The following KLHL6 variants were observed in gnomAD, a reference collection of about 807,000 sequenced individuals.
The protein encoded by KLHL6 is kelch like family member 6, also known as kelch-like protein 6.
KLHL6 carries 41 observed loss-of-function variants against 58.6 expected under a neutral mutation model. The ratio of observed to expected loss-of-function variants is 0.70; its 90% CI spans 0.55 to 0.91. The LOEUF (loss-of-function observed/expected upper bound fraction) is 0.91, where lower values mean the gene tolerates loss of function less well. KLHL6 is among the 40% of genes least tolerant of loss of function. The pLI is 0.00. For synonymous variants in KLHL6, 338 were observed against 322.7 expected (o/e 1.05, Z -0.51); for missense variants, 714 against 805.6 (o/e 0.89, Z 1.38).
In KLHL6 at chr3:183,491,636, C is replaced by CCGAT. The variant is rs1717556274; in HGVS notation, c.*287_*290dup. On this transcript the variant is annotated 3_prime_UTR_variant, in exon 7 of 7. Transcript: ENST00000341319. The stretch of plus-strand genomic sequence containing the variant: ...AGAGCCAGTCACCAGGTTAAATGAA[C>CCGAT]CGATAAAAGGAAGTGCCTGGCACAG... The CCGAT allele has an allele frequency of 9.6e-6, 3 of 311,456 alleles. No homozygotes were observed. The Admixed American group carries it at 1.5e-4, about 16-fold the overall frequency. 19.3% of individuals were successfully genotyped at this position (311,456 alleles called of 1,614,324 possible). A position where few individuals can be genotyped will look rare whatever the true frequency, so the allele number is the denominator to read the frequency against.
At chr3:183,498,191 G>A (rs1435435361) in intron 4 of KLHL6, among the ~76,000 whole-genome samples, 4 of 152,060 alleles carry the variant, frequency 2.6e-5, no homozygotes, top group East Asian at 1.9e-4. Flanking sequence ...CCGAGATCAC[G>A]CCACTGCACT....
Position 183,499,779 on chromosome 3 carries a change from C to G in KLHL6, c.958G>C (p.Val320Leu). ...KPRMHEFQSE[V>L]FMIIGGCTKD... The stretch of plus-strand genomic sequence containing the variant: ...GTGCAGCCGCCAATGATCATGAACA[C>G]CTCAGACTGGAACTCATGCATCCTG... The change falls in exon 4 of 7, where the codon GTG becomes CTG. Residue 320 changes from valine (V) to leucine (L), a missense_variant. Transcript: ENST00000341319. The surrounding 1 kb of genome is among the most constrained non-coding windows in gnomAD (Gnocchi z 4.6). The G allele has an allele frequency of 1.9e-6, 3 of 1,606,678 alleles. No homozygotes were observed. Among genetic ancestry groups the G allele is most frequent in the Non-Finnish European group, 1.7e-6 (2 of 1,176,726 alleles).
intron 1 of KLHL6, among the ~76,000 whole-genome samples, chr3:183,542,855 C>CATGGATGGATGG (rs10581731): frequency 1.4e-5 from 2 of 143,066 alleles, no homozygotes; most frequent in Admixed American, 1.4e-4. Context: ...TGGATGGATA[C>CATGGATGGATGG]ATGGATGGAT....
chr3:183,522,387 T>C (rs1711797690), intron 2 of KLHL6: 1 of 152,202 alleles, frequency 6.6e-6, no homozygotes, highest in African/African-American at 2.4e-5. Context: ...GTGGACCCAG[T>C]AGACTAACCC....
At chr3:183,539,862 C>T (rs1209401996) in intron 1 of KLHL6, among the ~76,000 whole-genome samples, 1 of 152,222 alleles carries the variant, frequency 6.6e-6, no homozygotes, top group Non-Finnish European at 1.5e-5. Flanking sequence ...CAGACCATTG[C>T]TGATGCCTCA....
In KLHL6 at chr3:183,490,949, G is replaced by A. The variant is rs7644322; in HGVS notation, c.*978C>T. On this transcript the variant is annotated 3_prime_UTR_variant, in exon 7 of 7. Coordinates refer to ENST00000341319, the MANE Select transcript of KLHL6 (RefSeq NM_130446.4). ...TGGCAAGGAGCCCAAATGACTCCTT[G>A]GTTTAAATATTGGTAAAGGGCGGGG... is the stretch of plus-strand genomic sequence containing the variant. The A allele has an allele frequency of 0.54, 81,920 of 151,970 alleles. 22,936 individuals are homozygous for A. The highest frequency in any genetic ancestry group is 0.79 in the East Asian group (4,058 of 5,160). The allele number at this position is 151,970 out of a possible 1,614,324, so 9.4% of individuals were successfully genotyped here.
chr3:183,518,001 A>C (rs1020292585), intron 2 of KLHL6, among the ~76,000 whole-genome samples: 5 of 152,128 alleles, frequency 3.3e-5, no homozygotes, highest in Admixed American at 2.0e-4. Flanking sequence ...AGGCTGAAAC[A>C]AGTCCACTTC....
chr3:183,500,435 T>C (rs559783812), intron 3 of KLHL6, among the ~76,000 whole-genome samples: 3 of 152,310 alleles, frequency 2.0e-5, no homozygotes, highest in African/African-American at 7.2e-5. Flanking sequence ...ATCCATACTA[T>C]GGGTATTTGA....
At chr3:183,529,553 G>A (rs565119447) in intron 1 of KLHL6, among the ~76,000 whole-genome samples, 87 of 152,206 alleles carry the variant, frequency 5.7e-4, no homozygotes, top group African/African-American at 2.0e-3. Context: ...AAAGTAGGTG[G>A]GGGACCGGGG....
At chr3:183,535,924 C>T (rs1327098778) in intron 1 of KLHL6, among the ~76,000 whole-genome samples, 2 of 152,110 alleles carry the variant, frequency 1.3e-5, no homozygotes, top group African/African-American at 2.4e-5. Flanking sequence ...TACAGGCGCC[C>T]GCCACCACGC....
chr3:183,491,995 C>T lies in KLHL6; in HGVS notation c.1798G>A (p.Gly600Ser). 1 of 1,594,832 alleles carries T rather than the reference C, an allele frequency of 6.3e-7. No individual in the cohort carries two copies. Among genetic ancestry groups the T allele is most frequent in the Non-Finnish European group, 8.6e-7 (1 of 1,167,640 alleles). Residue 600 changes from glycine to serine, a missense_variant, in exon 7 of 7, where the codon GGC becomes AGC. Around this residue, in one of 2 missense-constraint regions of KLHL6, gnomAD observed 510 missense variants for 629.7 expected, o/e 0.81. Coordinates refer to ENST00000341319, the MANE Select transcript of KLHL6 (RefSeq NM_130446.4). ...TACGACTTCCTGATGGTGACGCTGC[C>T]GTGGTGCGACACGCCCCGGGGCAGG... The part of the protein sequence containing the change: ...CVLPRGVSHH[G>S]SVTIRKSYTH...
chr3:183,526,894 T>C (rs141195453), intron 2 of KLHL6, among the ~76,000 whole-genome samples: 1 of 149,692 alleles, frequency 6.7e-6, no homozygotes, highest in East Asian at 2.0e-4. Context: ...AGGTCAGGAG[T>C]TCAAGAACAA....
At position 183,544,121 on chromosome 3, in the gene KLHL6, C is replaced by T. The variant is rs1712641201; in HGVS notation, c.293+11240G>A. Among the ~76,000 whole-genome samples the T allele has an allele frequency of 2.1e-5, 3 of 146,002 alleles. No homozygotes were observed. The Admixed American group carries it at 2.1e-4, about 10-fold the overall frequency. The stretch of plus-strand genomic sequence containing the variant: ...GAGTTTGCCGTGAGCTGAGATCAGG[C>T]CATCGCACTCCAGCCTGGGCGACAA... On this transcript the variant is annotated intron_variant, in intron 1 of 6. Transcript: ENST00000341319.
intron 1 of KLHL6, among the ~76,000 whole-genome samples, chr3:183,549,595 G>A (rs929130344): frequency 3.9e-5 from 6 of 152,152 alleles, no homozygotes; most frequent in Non-Finnish European, 7.3e-5. Flanking sequence ...TGCAACCTCC[G>A]CCTCCCAGAT....
At chr3:183,535,167 A>G (rs1712323324) in intron 1 of KLHL6, among the ~76,000 whole-genome samples, 1 of 151,676 alleles carries the variant, frequency 6.6e-6, no homozygotes, top group African/African-American at 2.4e-5. Context: ...CTGGTCTCAA[A>G]CTCCTGACCT....
At chr3:183,512,821 A>AAT (rs1242207970) in intron 2 of KLHL6, among the ~76,000 whole-genome samples, 54 of 151,428 alleles carry the variant, frequency 3.6e-4, no homozygotes, top group Middle Eastern at 3.4e-3. Flanking sequence ...TAAATAAATA[A>AAT]ATATATATAT....
At chr3:183,540,947 C>T (rs930816863) in intron 1 of KLHL6, among the ~76,000 whole-genome samples, 2 of 152,194 alleles carry the variant, frequency 1.3e-5, no homozygotes, top group South Asian at 2.1e-4. Context: ...CACCACATCC[C>T]GACCAGGCTA....
rs982658484 is a variant in KLHL6, at chr3:183,533,829, C to G, written c.294-5819G>C. Reference sequence around the variant, plus strand: ...TTTTAATCAATGGTAACCCTCCTAACCTTTCCTTCCCTCCCCTCTTCTCTT... The same window carrying G: ...TTTTAATCAATGGTAACCCTCCTAAGCTTTCCTTCCCTCCCCTCTTCTCTT... On this transcript the variant is annotated intron_variant, in intron 1 of 6. Transcript: ENST00000341319. Among the ~76,000 whole-genome samples the G allele has an allele frequency of 9.2e-5, 14 of 152,056 alleles. 1 individual carries two copies. The South Asian group carries it at 2.1e-3, about 23-fold the overall frequency.
At chr3:183,504,854 T>G (rs1304615556) in intron 3 of KLHL6, among the ~76,000 whole-genome samples, 1 of 152,196 alleles carries the variant, frequency 6.6e-6, no homozygotes, top group Non-Finnish European at 1.5e-5. Context: ...CTCACCTTCT[T>G]CTCATCCTCT....
Sources: gnomAD v4.1 joint callset for allele counts (sites outside exome capture counted in the v4.1 genomes callset) on GRCh38, gnomAD v4.1.1 for gene constraint, gnomAD v4.1.1 regional missense constraint, Gnocchi (gnomAD v3.1) non-coding constraint, MANE v1.5 for transcripts, NCBI Gene and HGNC (gene_info 2026-07-23, HGNC 2026-07-21) for gene names.